The following LIMCH1 variants were observed in gnomAD, a reference collection of about 807,000 sequenced individuals.
LIMCH1 encodes LIM and calponin homology domains-containing protein 1.
Under a neutral mutation model 176.5 loss-of-function variants are expected in LIMCH1, and 113 were observed. The observed-to-expected ratio is 0.64, with a 90% CI of 0.55 to 0.75. The LOEUF (loss-of-function observed/expected upper bound fraction) is 0.75, where lower values mean the gene tolerates loss of function less well. Among genes scored for constraint, LIMCH1 ranks in the 30% least tolerant of loss-of-function variants. The probability of loss-of-function intolerance (pLI) is 0.00; values close to 1 mark genes in which losing one functional copy is unlikely to be tolerated. For synonymous variants in LIMCH1, 619 were observed against 645.9 expected, an observed-to-expected ratio of 0.96 and a Z score of 0.63; for missense variants, 1,674 against 1,814.9, an observed-to-expected ratio of 0.92 and a Z score of 1.41.
At chr4:41,467,477 C>T (rs938895194) in intron 1 of LIMCH1, among the ~76,000 whole-genome samples, 7 of 152,144 alleles carry the variant, frequency 4.6e-5, no homozygotes, top group African/African-American at 1.7e-4. Flanking sequence ...ATCAAAGTCA[C>T]ATCTTAAAGG....
At position 41,506,588 on chromosome 4, in the gene LIMCH1, TA is replaced by T. The variant is rs753205874; in HGVS notation, c.167+11986del. The stretch of plus-strand genomic sequence containing the variant: ...GTGTAAACCAGTGTACGAGTAAATG[TA>T]AAACCAACAAAGATTTAATCTCCAA... On this transcript the variant is annotated intron_variant, in intron 2 of 26. Transcript: ENST00000313860. Among the ~76,000 whole-genome samples the T allele has an allele frequency of 6.6e-5, 10 of 152,298 alleles. No individual in the cohort carries two copies. The South Asian group carries it at 2.1e-3, about 32-fold the overall frequency.
chr4:41,559,277 C>G (rs1165642962), intron 1 of LIMCH1, among the ~76,000 whole-genome samples: 1 of 152,110 alleles, frequency 6.6e-6, no homozygotes, highest in African/African-American at 2.4e-5. Flanking sequence ...CCTCTTCTGT[C>G]TTAGATGTTC....
At chr4:41,401,255 G>A (rs1176953796) in intron 1 of LIMCH1, among the ~76,000 whole-genome samples, 1 of 152,190 alleles carries the variant, frequency 6.6e-6, no homozygotes, top group Non-Finnish European at 1.5e-5. Context: ...CATATGGCTA[G>A]CCTGTTTTCC....
At position 41,619,405 on chromosome 4, in the gene LIMCH1, C is replaced by T. The variant is rs371092401; in HGVS notation, c.423C>T (p.Thr141=). Residue 141 remains threonine (T), a synonymous_variant, in exon 6 of 32, where the codon ACC becomes ACT. Coordinates refer to ENST00000503057, the MANE Select transcript of LIMCH1 (RefSeq NM_001330672.2). The part of the protein sequence containing the change: ...EREEYRKSWS[T]ATSPLGGERP... The stretch of plus-strand genomic sequence containing the variant: ...AGGAATACCGCAAGAGCTGGAGTAC[C>T]GCCACCTCCCCGCTGGGTGGGGAGA... 9.1e-5 allele frequency: 147 copies of T among 1,612,220 alleles called. No individual in the cohort carries two copies. The highest frequency in any genetic ancestry group is 3.3e-4 in the Middle Eastern group (2 of 6,066).
intron 20 of LIMCH1, among the ~76,000 whole-genome samples, chr4:41,663,274 C>T (rs969518699): frequency 6.6e-6 from 1 of 151,966 alleles, no homozygotes; most frequent in East Asian, 1.9e-4. Flanking sequence ...CTGCCTTAGG[C>T]TCCCGAGTAG....
chr4:41,681,731 G>A (rs1716068783), intron 25 of LIMCH1, among the ~76,000 whole-genome samples: 2 of 152,118 alleles, frequency 1.3e-5, no homozygotes, highest in Non-Finnish European at 2.9e-5. Flanking sequence ...CTCAGGTGAT[G>A]GGTGCAGCAA....
intron 1 of LIMCH1, among the ~76,000 whole-genome samples, chr4:41,480,924 G>A (rs1281738134): frequency 6.6e-6 from 1 of 152,080 alleles, no homozygotes; most frequent in Admixed American, 6.6e-5. Flanking sequence ...CATGTCTCCG[G>A]ACTGACCCAT....
chr4:41,510,626 T>G (rs1393206336), intron 2 of LIMCH1, among the ~76,000 whole-genome samples: 2 of 152,128 alleles, frequency 1.3e-5, no homozygotes, highest in Non-Finnish European at 2.9e-5. Context: ...TTCATTCTTG[T>G]CGCCTAGGCT....
chr4:41,502,999 G>GTCCA (rs751124176), intron 2 of LIMCH1, among the ~76,000 whole-genome samples: 4,182 of 138,266 alleles, frequency 0.03, 88 homozygotes, highest in African/African-American at 0.053. Flanking sequence ...TGGTCTGTCT[G>GTCCA]TCCATCCATC....
intron 1 of LIMCH1, among the ~76,000 whole-genome samples, chr4:41,456,640 A>G (rs2064642618): frequency 6.6e-6 from 1 of 152,088 alleles, no homozygotes; most frequent in Non-Finnish European, 1.5e-5. Flanking sequence ...GTGCAAAATA[A>G]TTGTGCTTTT....
In LIMCH1 at chr4:41,530,794, T is replaced by TAAAA. The variant is rs386399906; in HGVS notation, c.237+6338_237+6341dup. On this transcript the variant is annotated intron_variant, in intron 3 of 26. Coordinates refer to the LIMCH1 transcript ENST00000313860. ...GGGGCTACAAGAGCGAAACCCCGCC[T>TAAAA]AAAAAAAAAAAAAAAAAAAAAAAAA... 9.8e-3 allele frequency among the ~76,000 whole-genome samples: 291 copies of TAAAA among 29,728 alleles called. 2 individuals are homozygous for TAAAA. Among genetic ancestry groups the TAAAA allele is most frequent in the Middle Eastern group, 0.031 (1 of 32 alleles). 19.5% of individuals were successfully genotyped at this position (29,728 alleles called of 152,430 possible). A position where few individuals can be genotyped will look rare whatever the true frequency, so the allele number is the denominator to read the frequency against.
chr4:41,363,839 A>G (rs1449526824), intron 1 of LIMCH1, among the ~76,000 whole-genome samples: 1 of 152,230 alleles, frequency 6.6e-6, no homozygotes, highest in Non-Finnish European at 1.5e-5. Context: ...AACAGGTTGC[A>G]CATCTAACTG....
chr4:41,662,586 T>TCATAGTG (rs1491390271), intron 19 of LIMCH1, among the ~76,000 whole-genome samples: 1 of 152,176 alleles, frequency 6.6e-6, no homozygotes, highest in East Asian at 1.9e-4. Context: ...CTTAAGTTCT[T>TCATAGTG]CATAGTGTGG....
At chr4:41,544,596 C>T (rs1417267262) in intron 1 of LIMCH1, among the ~76,000 whole-genome samples, 2 of 152,190 alleles carry the variant, frequency 1.3e-5, no homozygotes, top group African/African-American at 2.4e-5. Flanking sequence ...ACCTAGTTAC[C>T]TAGTTATTCC....
At chr4:41,527,955 T>C (rs2076856423) in intron 3 of LIMCH1, among the ~76,000 whole-genome samples, 1 of 151,630 alleles carries the variant, frequency 6.6e-6, no homozygotes, top group Admixed American at 6.6e-5. Flanking sequence ...AACGCAACTA[T>C]AATAGACATT....
At chr4:41,510,914 A>G (rs914017324) in intron 2 of LIMCH1, among the ~76,000 whole-genome samples, 5 of 152,206 alleles carry the variant, frequency 3.3e-5, no homozygotes, top group Non-Finnish European at 5.9e-5. Flanking sequence ...AAAGTTAACT[A>G]TGAAGAAATA....
chr4:41,597,500 C>A lies in LIMCH1; in HGVS notation c.-240-1420C>A, dbSNP rs183159252. Among the ~76,000 whole-genome samples, 8 of 152,300 alleles carry A rather than the reference C, an allele frequency of 5.3e-5. No homozygotes were observed. In the East Asian group the frequency reaches 1.5e-3, roughly 29 times the overall value. ...GTCTTTAACACCAATGGTTATCTCT[C>A]ATTTTCTGAATGTCAGCAGTCTGGA... On this transcript the variant is annotated intron_variant, in intron 1 of 31. Transcript: ENST00000503057.
At chr4:41,492,517 G>A (rs2071279967) in intron 1 of LIMCH1, among the ~76,000 whole-genome samples, 1 of 152,142 alleles carries the variant, frequency 6.6e-6, no homozygotes, top group Non-Finnish European at 1.5e-5. Context: ...ATTGAGATTT[G>A]CATTCTGACT....
intron 1 of LIMCH1, among the ~76,000 whole-genome samples, chr4:41,559,732 TTAGC>T (rs1440150935): frequency 1.3e-5 from 2 of 152,174 alleles, no homozygotes; most frequent in African/African-American, 4.8e-5. Flanking sequence ...CTACCTGAAA[TTAGC>T]TTTCTTGTTG....
Sources: gnomAD v4.1 joint callset for allele counts (sites outside exome capture counted in the v4.1 genomes callset) on GRCh38, gnomAD v4.1.1 for gene constraint, MANE v1.5 for transcripts, NCBI Gene and HGNC (gene_info 2026-07-23, HGNC 2026-07-21) for gene names.